The following VAV3 variants were observed in gnomAD, a reference collection of about 807,000 sequenced individuals.
The protein encoded by VAV3 is guanine nucleotide exchange factor VAV3.
In VAV3, 94 loss-of-function variants were observed where a neutral mutation model predicts 131.2. The observed-to-expected ratio is 0.72, with a 90% CI of 0.61 to 0.85. The LOEUF is 0.85. VAV3 is among the 40% of genes least tolerant of loss of function. The pLI, the probability that VAV3 is intolerant of heterozygous loss-of-function variation, is 0.00. For synonymous variants in VAV3, 349 were observed against 342.0 expected, an observed-to-expected ratio of 1.02 and a Z score of -0.22; for missense variants, 939 against 1,002.7, an observed-to-expected ratio of 0.94 and a Z score of 0.86.
intron 3 of VAV3, chr1:107,777,563 G>T: frequency 2.0e-6 from 1 of 497,924 alleles, no homozygotes; most frequent in Non-Finnish European, 3.6e-6. Context: ...ACATGTGCAG[G>T]GGGTCATAAT....
chr1:107,845,882 T>C (rs2100937394), intron 2 of VAV3, among the ~76,000 whole-genome samples: 1 of 152,274 alleles, frequency 6.6e-6, no homozygotes, highest in Admixed American at 6.5e-5. Context: ...CACTTCAGGA[T>C]ATTATCCAGG....
At chr1:107,885,644 C>T (rs1194500008) in intron 1 of VAV3, among the ~76,000 whole-genome samples, 5 of 152,056 alleles carry the variant, frequency 3.3e-5, no homozygotes, top group South Asian at 4.1e-4. Flanking sequence ...ATTTAACCTG[C>T]CCTTGACTTG....
intron 25 of VAV3, among the ~76,000 whole-genome samples, chr1:107,583,800 G>C (rs1203241868): frequency 6.6e-6 from 1 of 152,198 alleles, no homozygotes; most frequent in African/African-American, 2.4e-5. Flanking sequence ...TGGGTAGGAA[G>C]AATCAATATC....
intron 19 of VAV3, among the ~76,000 whole-genome samples, chr1:107,657,918 T>C (rs1317695185): frequency 6.6e-6 from 1 of 152,202 alleles, no homozygotes; most frequent in Admixed American, 6.5e-5. Flanking sequence ...CTAATTGCTA[T>C]TAGTACAGCC....
chr1:107,856,802 G>A (rs1030293931), intron 2 of VAV3, among the ~76,000 whole-genome samples: 6 of 151,916 alleles, frequency 3.9e-5, no homozygotes, highest in South Asian at 2.1e-4. Context: ...TTTGGGAGGC[G>A]GAGGCTGGAG....
intron 1 of VAV3, among the ~76,000 whole-genome samples, chr1:107,939,102 C>T (rs552403439): frequency 4.6e-5 from 7 of 152,238 alleles, no homozygotes; most frequent in South Asian, 2.1e-4. Flanking sequence ...TGGGGGCTGC[C>T]CAATTTGCAA....
intron 21 of VAV3, among the ~76,000 whole-genome samples, chr1:107,611,316 T>G (rs1359146042): frequency 6.6e-6 from 1 of 152,142 alleles, no homozygotes; most frequent in Non-Finnish European, 1.5e-5. Context: ...TCAAATATTT[T>G]TATCCTATGG....
chr1:107,597,373 T>C (rs1319766939), intron 24 of VAV3, among the ~76,000 whole-genome samples: 1 of 152,110 alleles, frequency 6.6e-6, no homozygotes, highest in African/African-American at 2.4e-5. Flanking sequence ...AAAAAGAGAA[T>C]CATCAATGAT....
chr1:107,894,169 A>G (rs1225524195), intron 1 of VAV3, among the ~76,000 whole-genome samples: 1 of 152,218 alleles, frequency 6.6e-6, no homozygotes, highest in Non-Finnish European at 1.5e-5. Context: ...TCGGGCAAGA[A>G]TTTTCATTAA....
chr1:107,633,226 A>C (rs761072400), intron 20 of VAV3, among the ~76,000 whole-genome samples: 7 of 152,172 alleles, frequency 4.6e-5, no homozygotes, highest in Non-Finnish European at 1.0e-4. Flanking sequence ...TACAAATCTA[A>C]GGTTTAAGAA....
intron 1 of VAV3, among the ~76,000 whole-genome samples, chr1:107,906,664 T>A (rs1003718615): frequency 1.3e-5 from 2 of 151,848 alleles, no homozygotes; most frequent in African/African-American, 4.8e-5. Flanking sequence ...AGACTCCATT[T>A]CAAAAAAATT....
intron 13 of VAV3, among the ~76,000 whole-genome samples, chr1:107,749,903 G>A (rs538411526): frequency 1.3e-5 from 2 of 152,238 alleles, no homozygotes; most frequent in East Asian, 3.9e-4. Context: ...GTTTGTTCAT[G>A]AGCAATTATC....
intron 2 of VAV3, among the ~76,000 whole-genome samples, chr1:107,795,607 T>C (rs1666499510): frequency 1.3e-5 from 2 of 152,216 alleles, no homozygotes; most frequent in African/African-American, 4.8e-5. Context: ...TCTTTTAAGG[T>C]TATTTCCCCC....
At position 107,757,814 on chromosome 1, in the gene VAV3, T is replaced by C. The variant is rs887288840; in HGVS notation, c.1018-485A>G. On this transcript the variant is annotated intron_variant, in intron 10 of 26. Transcript: ENST00000370056. ...TTTCATAGTTTCTTCTTTATCTGCTTCTTAGAAAGTTATTGTTCCTTAAGT... is the reference window on the plus strand; with the variant it reads ...TTTCATAGTTTCTTCTTTATCTGCTCCTTAGAAAGTTATTGTTCCTTAAGT... Among the ~76,000 whole-genome samples, 7 of 152,238 alleles carry C rather than the reference T, an allele frequency of 4.6e-5. No individual in the cohort carries two copies. The East Asian group carries it at 1.2e-3, about 25-fold the overall frequency.
At chr1:107,706,706 T>C (rs1212324186) in intron 15 of VAV3, among the ~76,000 whole-genome samples, 2 of 152,184 alleles carry the variant, frequency 1.3e-5, no homozygotes, top group African/African-American at 4.8e-5. Flanking sequence ...ACCTGTTTCC[T>C]TAGTCAGGAA....
At chr1:107,937,897 T>C (rs1192112585) in intron 1 of VAV3, among the ~76,000 whole-genome samples, 2 of 152,182 alleles carry the variant, frequency 1.3e-5, no homozygotes, top group South Asian at 2.1e-4. Context: ...TTAGAATACA[T>C]TTTTCCAAAT....
intron 2 of VAV3, among the ~76,000 whole-genome samples, chr1:107,784,385 T>A (rs1665870788): frequency 6.6e-6 from 1 of 152,190 alleles, no homozygotes; most frequent in Non-Finnish European, 1.5e-5. Flanking sequence ...GATTTAGCCA[T>A]TCTCTTGTCA....
At chr1:107,922,911 C>T (rs1672978266) in intron 1 of VAV3, among the ~76,000 whole-genome samples, 1 of 148,744 alleles carries the variant, frequency 6.7e-6, no homozygotes, top group Non-Finnish European at 1.5e-5. Context: ...GAGATCGCGC[C>T]ACTGCACTCC....
At chr1:107,611,230 G>A (rs538077770) in intron 21 of VAV3, among the ~76,000 whole-genome samples, 30 of 152,294 alleles carry the variant, frequency 2.0e-4, no homozygotes, top group African/African-American at 6.7e-4. Context: ...TCAGATGTCA[G>A]ATTTTCAAAT....
Sources: allele counts gnomAD v4.1 joint callset (sites outside exome capture counted in the v4.1 genomes callset), GRCh38; gene constraint gnomAD v4.1.1; transcripts MANE v1.5; gene names NCBI Gene and HGNC (gene_info 2026-07-23, HGNC 2026-07-21).